The following CADPS variants were observed in gnomAD, a reference collection of about 807,000 sequenced individuals.
CADPS encodes the protein calcium-dependent secretion activator 1.
CADPS carries 57 observed loss-of-function variants against 167.3 expected under a neutral mutation model. That is an observed-to-expected ratio of 0.34 (90% CI 0.28 to 0.42). The LOEUF (loss-of-function observed/expected upper bound fraction) is 0.42. Among genes scored for constraint, CADPS ranks in the 20% least tolerant of loss-of-function variants. The pLI, the probability that CADPS is intolerant of heterozygous loss-of-function variation, is 1.00. For missense variants in CADPS, 1,414 were observed against 1,738.1 expected (o/e 0.81, Z 3.32); for synonymous variants, 676 against 635.3 (o/e 1.06, Z -0.96).
intron 18 of CADPS, among the ~76,000 whole-genome samples, chr3:62,498,383 G>A (rs2065162510): frequency 6.6e-6 from 1 of 152,026 alleles, no homozygotes; most frequent in Non-Finnish European, 1.5e-5. Flanking sequence ...AGAGAAAGGG[G>A]GAGAATTATG....
Position 62,465,462 on chromosome 3 carries a change from G to C in CADPS, c.3553-12C>G, listed in dbSNP as rs1192099205. The C allele has an allele frequency of 6.4e-7, 1 of 1,569,748 alleles. No homozygotes were observed. The highest frequency in any genetic ancestry group is 1.4e-5 in the African/African-American group (1 of 73,060). ...AAGATAGTAACGAACTAGAAAAACA[G>C]CAAAAAAGAAAAAAATGTTATTTCA... is the stretch of plus-strand genomic sequence containing the variant. On this transcript the variant is annotated splice_polypyrimidine_tract_variant and intron_variant, in intron 25 of 29. Transcript: ENST00000383710. This position sits in a 1 kb window ranked among gnomAD's most constrained non-coding sequence, Gnocchi z 4.1.
chr3:62,791,267 C>T (rs146544097), intron 1 of CADPS, among the ~76,000 whole-genome samples: 33 of 152,226 alleles, frequency 2.2e-4, no homozygotes, highest in African/African-American at 7.2e-4. Context: ...TAGACAATAG[C>T]TACATGTGGT....
intron 3 of CADPS, among the ~76,000 whole-genome samples, chr3:62,699,149 C>T (rs1342828576): frequency 6.6e-6 from 1 of 151,968 alleles, no homozygotes; most frequent in Non-Finnish European, 1.5e-5. Context: ...CAAAGTCCAT[C>T]GTATCATTCT....
chr3:62,743,253 G>T (rs1027314276), intron 3 of CADPS, among the ~76,000 whole-genome samples: 1 of 152,066 alleles, frequency 6.6e-6, no homozygotes, highest in African/African-American at 2.4e-5. Context: ...TTTAATTTAG[G>T]GGTTAACAAA....
intron 3 of CADPS, among the ~76,000 whole-genome samples, chr3:62,702,290 T>G (rs957358407): frequency 8.5e-5 from 13 of 152,162 alleles, no homozygotes; most frequent in Non-Finnish European, 1.8e-4. Context: ...GAATGCTTAT[T>G]ATAAGCCAAA....
chr3:62,704,821 T>A (rs902029682), intron 3 of CADPS, among the ~76,000 whole-genome samples: 1 of 152,138 alleles, frequency 6.6e-6, no homozygotes, highest in Non-Finnish European at 1.5e-5. Context: ...TTCGTAGGCA[T>A]TGTGTAGACT....
At chr3:62,563,644 A>G (rs1455944385) in intron 9 of CADPS, among the ~76,000 whole-genome samples, 1 of 152,148 alleles carries the variant, frequency 6.6e-6, no homozygotes, top group African/African-American at 2.4e-5. Context: ...CCATCTCCCA[A>G]TCAGTATACA....
chr3:62,793,492 G>A (rs150529125), intron 1 of CADPS, among the ~76,000 whole-genome samples: 30 of 152,226 alleles, frequency 2.0e-4, no homozygotes, highest in African/African-American at 5.8e-4. Flanking sequence ...TCATTTTGCC[G>A]CATCACAGTT....
intron 18 of CADPS, among the ~76,000 whole-genome samples, chr3:62,497,432 C>G (rs182590693): frequency 5.3e-5 from 8 of 152,318 alleles, no homozygotes; most frequent in African/African-American, 1.9e-4. Flanking sequence ...CCCTCCATGC[C>G]TCTGGAGATG....
intron 6 of CADPS, among the ~76,000 whole-genome samples, chr3:62,634,763 G>A (rs143363356): frequency 1.2e-4 from 18 of 152,284 alleles, no homozygotes; most frequent in African/African-American, 3.6e-4. Flanking sequence ...TGACTTAAAT[G>A]TGCCTTGTCT....
intron 1 of CADPS, among the ~76,000 whole-genome samples, chr3:62,845,693 C>G (rs1312304916): frequency 6.6e-6 from 1 of 152,102 alleles, no homozygotes; most frequent in African/African-American, 2.4e-5. Context: ...TCTTTCTGTT[C>G]CCCTCCCACC....
intron 28 of CADPS, among the ~76,000 whole-genome samples, chr3:62,424,367 T>A (rs1035016848): frequency 6.6e-6 from 1 of 152,104 alleles, no homozygotes; most frequent in Admixed American, 6.6e-5. Context: ...GTATTTTTAG[T>A]AGAGATGGGG....
At chr3:62,632,669 G>A (rs750606735) in intron 6 of CADPS, among the ~76,000 whole-genome samples, 15 of 152,034 alleles carry the variant, frequency 9.9e-5, no homozygotes, top group Non-Finnish European at 1.6e-4. Context: ...ATAGTTTCCC[G>A]TTAATAATAC....
chr3:62,493,618 T>C (rs2064125705), intron 19 of CADPS, 27 bp downstream of exon 19: 6 of 1,547,582 alleles, frequency 3.9e-6, no homozygotes, highest in African/African-American at 1.4e-5. Context: ...CCACCTCTCT[T>C]CTTTCACGAG....
intron 28 of CADPS, among the ~76,000 whole-genome samples, chr3:62,427,709 T>C (rs1253483236): frequency 2.6e-5 from 4 of 152,198 alleles, no homozygotes; most frequent in African/African-American, 9.7e-5. Flanking sequence ...AACTGAGTCT[T>C]TTCTCTTTAA....
intron 8 of CADPS, among the ~76,000 whole-genome samples, chr3:62,581,173 T>G (rs1211213175): frequency 6.6e-6 from 1 of 152,158 alleles, no homozygotes; most frequent in Non-Finnish European, 1.5e-5. Flanking sequence ...TCTAATATCT[T>G]GTAGAGCTGT....
intron 3 of CADPS, among the ~76,000 whole-genome samples, chr3:62,748,838 G>A (rs919634925): frequency 2.0e-5 from 3 of 152,132 alleles, no homozygotes; most frequent in African/African-American, 7.2e-5. Flanking sequence ...CTCCTGAGTA[G>A]CTGGGACTAT....
chr3:62,747,836 GAGA>G (rs2081816382), intron 3 of CADPS, among the ~76,000 whole-genome samples: 1 of 152,120 alleles, frequency 6.6e-6, no homozygotes, highest in Admixed American at 6.5e-5. Context: ...AATGGCCAAG[GAGA>G]AGTTTAGAGT....
At chr3:62,610,580 A>C (rs1342391253) in intron 6 of CADPS, among the ~76,000 whole-genome samples, 1 of 152,080 alleles carries the variant, frequency 6.6e-6, no homozygotes, top group Non-Finnish European at 1.5e-5. Context: ...GCCATAACTA[A>C]ACTTAAAAAC....
Sources: gnomAD v4.1 joint callset for allele counts (sites outside exome capture counted in the v4.1 genomes callset) on GRCh38, gnomAD v4.1.1 for gene constraint, Gnocchi (gnomAD v3.1) non-coding constraint, MANE v1.5 for transcripts, NCBI Gene and HGNC (gene_info 2026-07-23, HGNC 2026-07-21) for gene names.